VPS37A: variants seen among roughly 807,000 people sequenced by gnomAD.
VPS37A encodes the protein vacuolar protein sorting-associated protein 37A.
Under a neutral mutation model 49.8 loss-of-function variants are expected in VPS37A, and 30 were observed. The observed-to-expected ratio is 0.60, with a 90% CI of 0.45 to 0.82. VPS37A has a LOEUF of 0.82. Ranked by LOEUF, VPS37A falls within the 40% of genes least tolerant of loss-of-function variation. VPS37A has a pLI of 0.00. For missense variants in VPS37A, 593 were observed against 464.4 expected (o/e 1.28, Z -2.55); for synonymous variants, 195 against 160.6 (o/e 1.21, Z -1.62).
At chr8:17,277,136 A>G (rs1814589063) in intron 6 of VPS37A, among the ~76,000 whole-genome samples, 3 of 152,050 alleles carry the variant, frequency 2.0e-5, no homozygotes, top group Admixed American at 2.0e-4. Context: ...TCTTTAGGAT[A>G]TATCTCATCA....
In VPS37A at chr8:17,287,968, G is replaced by A. The variant is rs563201453; in HGVS notation, c.*1541G>A. ...GGGACTAGGGTACAGGAAAAGAAAT[G>A]ACAGGCGTTTCTCATGTCCAGTAAA... On this transcript the variant is annotated intron_variant, in intron 11 of 11. Coordinates refer to ENST00000324849, the MANE Select transcript of VPS37A (RefSeq NM_152415.3). Among the ~76,000 whole-genome samples, 8 of 152,244 alleles carry A rather than the reference G, an allele frequency of 5.3e-5. No homozygotes were observed. The East Asian group carries it at 1.5e-3, about 29-fold the overall frequency.
chr8:17,288,156 T>C (rs1444084687), intron 11 of VPS37A, among the ~76,000 whole-genome samples: 2 of 152,248 alleles, frequency 1.3e-5, no homozygotes, highest in Non-Finnish European at 2.9e-5. Flanking sequence ...TGCTCATTTA[T>C]ATGAACATAC....
At chr8:17,317,065 T>A in the VPS37A span, among the ~76,000 whole-genome samples, 1 of 152,252 alleles carries the variant, frequency 6.6e-6, no homozygotes, top group South Asian at 2.1e-4. Context: ...AGAATATTAA[T>A]GGCAGTTTTT....
intron 4 of VPS37A, among the ~76,000 whole-genome samples, chr8:17,269,776 G>C (rs527946889): frequency 6.6e-6 from 1 of 152,174 alleles, no homozygotes; most frequent in South Asian, 2.1e-4. Flanking sequence ...CCATTTCCTA[G>C]TTTCTTGGTT....
intron 1 of VPS37A, among the ~76,000 whole-genome samples, chr8:17,250,621 G>A (rs985580644): frequency 6.6e-6 from 1 of 151,998 alleles, no homozygotes; most frequent in Non-Finnish European, 1.5e-5. Flanking sequence ...ACCCCATTCT[G>A]TCATCTCCCT....
intron 1 of VPS37A, among the ~76,000 whole-genome samples, chr8:17,249,310 A>G (rs1811756547): frequency 6.6e-6 from 1 of 152,232 alleles, no homozygotes; most frequent in Non-Finnish European, 1.5e-5. Flanking sequence ...TTGGCTTAAG[A>G]GGATCAGTAA....
At chr8:17,313,182 G>A in the VPS37A span, 19 of 702,888 alleles carry the variant, frequency 2.7e-5, no homozygotes, top group Admixed American at 4.7e-4. Flanking sequence ...TGGCTATCCA[G>A]TCAGTGCAGT....
intron 1 of VPS37A, chr8:17,248,387 C>A (rs1186301482): frequency 4.4e-6 from 2 of 455,680 alleles, no homozygotes; most frequent in Non-Finnish European, 8.8e-6. Context: ...CCCTCAGCTC[C>A]CCACACCCCT....
chr8:17,267,234 G>T (rs569319831), intron 2 of VPS37A, among the ~76,000 whole-genome samples: 300 of 152,218 alleles, frequency 2.0e-3, no homozygotes, highest in Non-Finnish European at 3.6e-3. Flanking sequence ...CTCATCAAAT[G>T]ACCAGGTAAA....
chr8:17,277,485 C>T (rs546374318), intron 6 of VPS37A, among the ~76,000 whole-genome samples: 4 of 151,848 alleles, frequency 2.6e-5, no homozygotes, highest in Non-Finnish European at 5.9e-5. Flanking sequence ...AGCTATAAAC[C>T]CTTTTGCTCA....
chr8:17,287,761 T>C (rs1385331959), intron 11 of VPS37A, among the ~76,000 whole-genome samples: 1 of 152,048 alleles, frequency 6.6e-6, no homozygotes, highest in Non-Finnish European at 1.5e-5. Flanking sequence ...CCGATGGAGA[T>C]AAACAAGAGT....
intron 11 of VPS37A, among the ~76,000 whole-genome samples, chr8:17,292,818 A>C (rs1458007216): frequency 2.0e-5 from 3 of 152,210 alleles, no homozygotes; most frequent in Non-Finnish European, 2.9e-5. Context: ...TTCTGCAGAG[A>C]GATCCACTGT....
chr8:17,329,294 C>T, the VPS37A span, among the ~76,000 whole-genome samples: 13 of 152,150 alleles, frequency 8.5e-5, no homozygotes, highest in Admixed American at 3.3e-4. Context: ...ATAATTTACT[C>T]GGTAAAAACA....
At chr8:17,314,100 C>T in the VPS37A span, among the ~76,000 whole-genome samples, 1 of 152,218 alleles carries the variant, frequency 6.6e-6, no homozygotes, top group Admixed American at 6.5e-5. Context: ...ATATTATAAA[C>T]CACCAACTTT....
chr8:17,317,603 A>C, the VPS37A span, among the ~76,000 whole-genome samples: 4 of 152,070 alleles, frequency 2.6e-5, no homozygotes, highest in African/African-American at 9.7e-5. Flanking sequence ...TCTCTTGTGG[A>C]AGTGTGGAAA....
At chr8:17,307,188 T>A (rs1010422798), downstream of VPS37A, among the ~76,000 whole-genome samples, 4 of 151,730 alleles carry the variant, frequency 2.6e-5, no homozygotes, top group African/African-American at 9.7e-5. Flanking sequence ...CAAACAAATT[T>A]ACAAGAAAAA....
At chr8:17,331,273 T>A in the VPS37A span, 1 of 1,606,606 alleles carries the variant, frequency 6.2e-7, no homozygotes, top group Non-Finnish European at 8.5e-7. Context: ...CGATTTGCCA[T>A]TGCATTAAGC....
At chr8:17,311,469 T>G in the VPS37A span, 1 of 1,612,962 alleles carries the variant, frequency 6.2e-7, no homozygotes, top group Non-Finnish European at 8.5e-7. Context: ...CCATTCCTGG[T>G]CAAGGCACCG....
intron 9 of VPS37A, among the ~76,000 whole-genome samples, chr8:17,281,629 G>A (rs1226621091): frequency 2.0e-5 from 3 of 151,876 alleles, no homozygotes; most frequent in Non-Finnish European, 4.4e-5. Context: ...TTGTTTGGGA[G>A]GTTTTGAGTA....
Sources: allele counts gnomAD v4.1 joint callset (sites outside exome capture counted in the v4.1 genomes callset), GRCh38; gene constraint gnomAD v4.1.1; transcripts MANE v1.5; gene names NCBI Gene and HGNC (gene_info 2026-07-23, HGNC 2026-07-21).